Variants in PKD1L3 observed in about 807,000 individuals in gnomAD.
The protein encoded by PKD1L3 is polycystin 1 like 3, transient receptor potential channel interacting.
In PKD1L3, 239 loss-of-function variants were observed where a neutral mutation model predicts 184.1. That is an observed-to-expected ratio of 1.30 (90% confidence interval 1.17 to 1.45). PKD1L3 has a LOEUF of 1.45. Among genes scored for constraint, PKD1L3 ranks in the 40% most tolerant of loss-of-function variants. PKD1L3 has a pLI of 0.00. For synonymous variants in PKD1L3, 996 were observed against 778.8 expected, an observed-to-expected ratio of 1.28 and a Z score of -4.64; for missense variants, 2,660 against 2,067.2, an observed-to-expected ratio of 1.29 and a Z score of -5.56.
rs976428362 is a variant in PKD1L3 at position 71,945,227 on chromosome 16, T to C, written c.3719-1057A>G. Among the ~76,000 whole-genome samples, 18 of 142,052 alleles carry C rather than the reference T, an allele frequency of 1.3e-4. 1 individual carries two copies. The highest frequency in any genetic ancestry group is 2.6e-5 in the African/African-American group (1 of 38,556). The allele number at this position is 142,052 out of a possible 152,430, so 93.2% of individuals were successfully genotyped here. A position where few individuals can be genotyped will look rare whatever the true frequency, so the allele number is the denominator to read the frequency against. On this transcript the variant is annotated intron_variant, in intron 22 of 29. Transcript: ENST00000620267. ...ATCATCTGGGAATTTTATTAAAATA[T>C]GGATTCTGGAGTGAGGCCTAAGATT...
Position 71,969,945 on chromosome 16 carries a change from G to A in PKD1L3, c.2114C>T (p.Ala705Val). 1.3e-6 allele frequency: 2 copies of A among 1,551,866 alleles called. No homozygotes were observed. Among genetic ancestry groups the A allele is most frequent in the Non-Finnish European group, 1.7e-6 (2 of 1,147,050 alleles). The change falls in exon 13 of 30, where the codon GCC becomes GTC. Residue 705 changes from alanine (A) to valine (V), a missense_variant. Coordinates refer to ENST00000620267, the MANE Select transcript of PKD1L3 (RefSeq NM_181536.2). ...GATCACATAAAATCCTAAAAGGCTG[G>A]CCAGCAGTGACACCCCAACAGGATT... The part of the protein sequence containing the change: ...TNNPVGVSLL[A>V]SLLGFYVITV...
rs150521564 is a variant in PKD1L3 at position 71,933,815 on chromosome 16, A to AC, written c.4824+99dup. 2,306 of 1,308,000 alleles carry AC rather than the reference A, an allele frequency of 1.8e-3. 28 individuals are homozygous for AC. In the African/African-American group the frequency reaches 0.031, roughly 17 times the overall value. 81.0% of individuals were successfully genotyped at this position (1,308,000 alleles called of 1,614,324 possible). The stretch of plus-strand genomic sequence containing the variant: ...GATCTAAACCCGGCTTTCCTACTGT[A>AC]CCACCTCGGGTTTCTGTGTTGTGAC... On this transcript the variant is annotated intron_variant, in intron 27 of 29. Coordinates refer to ENST00000620267, the MANE Select transcript of PKD1L3 (RefSeq NM_181536.2).
At chr16:71,991,304 A>G in intron 3 of PKD1L3, 1 of 227,858 alleles carries the variant, frequency 4.4e-6, no homozygotes, top group East Asian at 1.1e-4. Flanking sequence ...GTGAGAAGAC[A>G]TGGCAAGAAA....
chr16:71,972,043 T>C (rs2039732078), intron 12 of PKD1L3, among the ~76,000 whole-genome samples: 1 of 151,852 alleles, frequency 6.6e-6, no homozygotes. Context: ...GGTGAAACCC[T>C]GTCTCTAATA....
At chr16:71,969,305 G>GTCTTT (rs573898151) in intron 13 of PKD1L3, among the ~76,000 whole-genome samples, 1 of 151,808 alleles carries the variant, frequency 6.6e-6, no homozygotes, top group Non-Finnish European at 1.5e-5. Flanking sequence ...AGCTCTCTAG[G>GTCTTT]TCTTTTCTTT....
At chr16:71,945,398 ATT>A (rs1491197327) in intron 22 of PKD1L3, among the ~76,000 whole-genome samples, 167 of 83,576 alleles carry the variant, frequency 2.0e-3, no homozygotes, top group African/African-American at 3.9e-3. Context: ...ATATATATAT[ATT>A]TATTTATTTA....
At chr16:71,949,113 G>T (rs975968327) in intron 21 of PKD1L3, among the ~76,000 whole-genome samples, 1 of 152,090 alleles carries the variant, frequency 6.6e-6, no homozygotes, top group Non-Finnish European at 1.5e-5. Flanking sequence ...GTTGAAGCTG[G>T]GTGGTACGAC....
Position 71,951,711 on chromosome 16 carries a change from T to C in PKD1L3, c.3043A>G (p.Arg1015Gly), listed in dbSNP as rs1374372256. The C allele has an allele frequency of 6.4e-7, 1 of 1,551,310 alleles. No individual in the cohort carries two copies. Among genetic ancestry groups the C allele is most frequent in the East Asian group, 2.4e-5 (1 of 40,920 alleles). Reference protein sequence around the residue: ...LKETVRFLLRRNTYLLSKCEQ... With the variant: ...LKETVRFLLRGNTYLLSKCEQ... Reference sequence around the variant, plus strand: ...CACTTGGAGAGTAGGTATGTATTTCTCCTGAGCAGGAATCTCACAGTTTCC... The same window carrying C: ...CACTTGGAGAGTAGGTATGTATTTCCCCTGAGCAGGAATCTCACAGTTTCC... Residue 1015 changes from arginine to glycine, a missense_variant, in exon 19 of 30, where the codon AGA (arginine) becomes GGA (glycine). Arg to Gly is a moderately radical substitution (Grantham distance 125, BLOSUM62 -2). Coordinates refer to ENST00000620267, the MANE Select transcript of PKD1L3 (RefSeq NM_181536.2).
chr16:71,990,146 C>T (rs1453467200), intron 4 of PKD1L3, 134 bp downstream of exon 4: 1 of 615,266 alleles, frequency 1.6e-6, no homozygotes, highest in Non-Finnish European at 2.4e-6. Context: ...TTTTTTCTTG[C>T]ACGTAAGTAC....
chr16:71,934,709 C>T (rs1028273380), intron 26 of PKD1L3, among the ~76,000 whole-genome samples: 1 of 152,226 alleles, frequency 6.6e-6, no homozygotes, highest in Non-Finnish European at 1.5e-5. Flanking sequence ...CCCACAGACA[C>T]TAGCAAGTGG....
intron 16 of PKD1L3, among the ~76,000 whole-genome samples, chr16:71,956,590 T>G (rs1341859059): frequency 6.6e-6 from 1 of 152,106 alleles, no homozygotes; most frequent in Non-Finnish European, 1.5e-5. Flanking sequence ...ACAAATACTG[T>G]ATGGTTCTGC....
intron 16 of PKD1L3, among the ~76,000 whole-genome samples, chr16:71,957,249 C>T (rs2039082731): frequency 6.6e-6 from 1 of 151,768 alleles, no homozygotes. Context: ...CTGTTGAACC[C>T]CATTTGTGAT....
intron 28 of PKD1L3, among the ~76,000 whole-genome samples, chr16:71,932,117 A>T (rs2037996159): frequency 6.6e-6 from 1 of 152,340 alleles, no homozygotes; most frequent in South Asian, 2.1e-4. Context: ...GGATTGGTTG[A>T]ATCTGTGGAT....
Position 71,930,095 on chromosome 16 carries a change from G to A in PKD1L3, c.5015C>T (p.Ser1672Leu), listed in dbSNP as rs984248453. Reference protein sequence around the residue: ...MVLVVINLFVSAILMAFGKER... With the variant: ...MVLVVINLFVLAILMAFGKER... ...TTTTCCAAAGGCCATGAGAATGGCC[G>A]AAACGAAAAGATTAATTACCACAAG... is the stretch of plus-strand genomic sequence containing the variant. Residue 1672 changes from serine (S) to leucine (L), a missense_variant, in exon 29 of 30, where the codon TCG becomes TTG. By Grantham distance (145) the Ser-to-Leu change is moderately radical (BLOSUM62 -2). Coordinates refer to ENST00000620267, the MANE Select transcript of PKD1L3 (RefSeq NM_181536.2). 7.7e-6 allele frequency: 12 copies of A among 1,551,270 alleles called. No individual in the cohort carries two copies. Among genetic ancestry groups the A allele is most frequent in the African/African-American group, 5.5e-5 (4 of 73,016 alleles).
chr16:71,984,714 C>G (rs1042356132), intron 5 of PKD1L3, among the ~76,000 whole-genome samples: 1 of 152,158 alleles, frequency 6.6e-6, no homozygotes, highest in Non-Finnish European at 1.5e-5. Flanking sequence ...CAAAAATTAA[C>G]CAGGCTTGGT....
rs75869947 is a variant in PKD1L3, at chr16:71,967,745, G to A, written c.2286+161C>T. 4.3e-3 allele frequency among the ~76,000 whole-genome samples: 656 copies of A among 152,272 alleles called. 5 individuals are homozygous for A. The highest frequency in any genetic ancestry group is 6.6e-3 in the Non-Finnish European group (450 of 68,022). ...CTCCCAAAGTATTGGGATTACAGGC[G>A]TGAACCCCCATGTGCGGCCCACATG... On this transcript the variant is annotated intron_variant, in intron 14 of 29. Transcript: ENST00000620267.
Position 71,982,102 on chromosome 16 carries a change from G to A in PKD1L3, c.1100C>T (p.Ala367Val). 3 of 1,551,308 alleles carry A rather than the reference G, an allele frequency of 1.9e-6. No homozygotes were observed. Among genetic ancestry groups the A allele is most frequent in the Non-Finnish European group, 2.6e-6 (3 of 1,146,862 alleles). Reference protein sequence around the residue: ...PFHSLNNVTKAGEGSWLESKR... With the variant: ...PFHSLNNVTKVGEGSWLESKR... ...GGATTCCAGCCAACTTCCTTCTCCAGCTTTGGTGACATTGTTGAGGGAATG... is the reference window on the plus strand; with the variant it reads ...GGATTCCAGCCAACTTCCTTCTCCAACTTTGGTGACATTGTTGAGGGAATG... The change falls in exon 7 of 30, where the codon GCT (alanine) becomes GTT (valine). Residue 367 changes from alanine (A) to valine (V), a missense_variant. By Grantham distance (64) the Ala-to-Val change is moderately conservative. Coordinates refer to ENST00000620267, the MANE Select transcript of PKD1L3 (RefSeq NM_181536.2).
chr16:71,963,676 G>C (rs1448626620), intron 15 of PKD1L3, among the ~76,000 whole-genome samples: 1 of 152,174 alleles, frequency 6.6e-6, no homozygotes, highest in African/African-American at 2.4e-5. Flanking sequence ...TGAGCTACTT[G>C]AAAGGCTGAG....
intron 2 of PKD1L3, 22 bp from the exon 3 acceptor site, chr16:71,993,354 A>C: frequency 1.4e-6 from 2 of 1,444,064 alleles, no homozygotes; most frequent in South Asian, 1.2e-5. Flanking sequence ...CCAACACACA[A>C]GTTAATTTAT....
Sources: gnomAD v4.1 joint callset for allele counts (sites outside exome capture counted in the v4.1 genomes callset) on GRCh38, gnomAD v4.1.1 for gene constraint, MANE v1.5 for transcripts, NCBI Gene and HGNC (gene_info 2026-07-23, HGNC 2026-07-21) for gene names.